SACS: variants seen among roughly 807,000 people sequenced by gnomAD.
The protein encoded by SACS is sacsin molecular chaperone.
SACS carries 197 observed loss-of-function variants against 348.0 expected under a neutral mutation model. The ratio of observed to expected loss-of-function variants is 0.57; its 90% CI spans 0.50 to 0.64. The LOEUF (loss-of-function observed/expected upper bound fraction) is 0.64, where lower values mean the gene tolerates loss of function less well. Among genes scored for constraint, SACS ranks in the 30% least tolerant of loss-of-function variants. The pLI, the probability that SACS is intolerant of heterozygous loss-of-function variation, is 0.00. For missense variants in SACS, 4,999 were observed against 5,360.8 expected (o/e 0.93, Z 2.11); for synonymous variants, 1,985 against 1,910.6 (o/e 1.04, Z -1.02).
At position 23,334,375 on chromosome 13, in the gene SACS, A is replaced by G; in HGVS notation, c.9501T>C (p.Asp3167=). 1 of 1,612,990 alleles carries G rather than the reference A, an allele frequency of 6.2e-7. No individual in the cohort carries two copies. Among genetic ancestry groups the G allele is most frequent in the Non-Finnish European group, 8.5e-7 (1 of 1,179,514 alleles). The stretch of plus-strand genomic sequence containing the variant: ...TTGTTAGAAACTTGGGTCGTTTTGC[A>G]TCAAAAGTTTGCAAAACACTGTCCA... The part of the protein sequence containing the change: ...ITLDSVLQTF[D]AKRPKFLTTY... The change falls in exon 10 of 10, where the codon GAT becomes GAC. Residue 3167 remains aspartate (D), a synonymous_variant. Coordinates refer to ENST00000382292, the MANE Select transcript of SACS (RefSeq NM_014363.6).
intron 6 of SACS, among the ~76,000 whole-genome samples, chr13:23,362,300 T>C (rs894577749): frequency 2.6e-5 from 4 of 152,164 alleles, no homozygotes; most frequent in Admixed American, 2.6e-4. Flanking sequence ...AAGTGTGTTA[T>C]ACTGGGTGAG....
chr13:23,354,696 G>C lies in SACS; in HGVS notation c.1916C>G (p.Ala639Gly). ...AWVRQVLRKC[A>G]HLGCAEEKLH... The stretch of plus-strand genomic sequence containing the variant: ...CTTTTCTTCAGCACAGCCCAGGTGT[G>C]CACACTTCCGCAGCACCTGCCGCAC... Residue 639 changes from alanine to glycine, a missense_variant, in exon 8 of 10, where the codon GCA (alanine) becomes GGA (glycine). By Grantham distance (60) the Ala-to-Gly change is moderately conservative. Transcript: ENST00000382292. 6 of 1,613,992 alleles carry C rather than the reference G, an allele frequency of 3.7e-6. No homozygotes were observed. Among genetic ancestry groups the C allele is most frequent in the Non-Finnish European group, 5.1e-6 (6 of 1,179,950 alleles).
chr13:23,350,310 G>A (rs916027023), intron 9 of SACS, among the ~76,000 whole-genome samples: 4 of 152,164 alleles, frequency 2.6e-5, no homozygotes, highest in African/African-American at 7.2e-5. Flanking sequence ...AACTCTTTCC[G>A]GAAGCTGGAC....
chr13:23,411,127 C>A (rs772232076), intron 2 of SACS, 93 bp downstream of exon 2: 65 of 1,061,178 alleles, frequency 6.1e-5, no homozygotes, highest in Non-Finnish European at 9.2e-5. Context: ...CGAGTGCTTT[C>A]ATTTGTTTTT....
At chr13:23,389,956 G>A (rs7339176) in intron 2 of SACS, among the ~76,000 whole-genome samples, 76,106 of 151,966 alleles carry the variant, frequency 0.5, 19,691 homozygotes, top group East Asian at 0.8. Flanking sequence ...CCACTTTTAT[G>A]CAGCTTTTCT....
chr13:23,426,814 A>T (rs1210256538), intron 1 of SACS, among the ~76,000 whole-genome samples: 1 of 152,188 alleles, frequency 6.6e-6, no homozygotes, highest in African/African-American at 2.4e-5. Context: ...TCTATCTCAG[A>T]GAGCAGAGGA....
intron 9 of SACS, among the ~76,000 whole-genome samples, chr13:23,346,424 G>C (rs999475421): frequency 1.3e-5 from 2 of 152,164 alleles, no homozygotes; most frequent in Admixed American, 6.5e-5. Flanking sequence ...GATTACAGGC[G>C]TGAGCCACCG....
At position 23,340,410 on chromosome 13, in the gene SACS, A is replaced by G. The variant is rs1869092806; in HGVS notation, c.3466T>C (p.Trp1156Arg). ...GGCCTTTCCTTGCAGGCTGGAACCC[A>G]TTTTATTTTCTTCAATGTCATCTTT... ...EGKMTLKKIK[W>R]VPACKERPPN... is the part of the protein sequence containing the mutation. Residue 1156 changes from tryptophan (W) to arginine (R), a missense_variant, in exon 10 of 10, where the codon TGG becomes CGG. Trp to Arg is a moderately radical substitution (Grantham distance 101). Coordinates refer to ENST00000382292, the MANE Select transcript of SACS (RefSeq NM_014363.6). 1 of 1,614,036 alleles carries G rather than the reference A, an allele frequency of 6.2e-7. No homozygotes were observed. The highest frequency in any genetic ancestry group is 8.5e-7 in the Non-Finnish European group (1 of 1,180,004).
chr13:23,343,245 T>C (rs748746165), intron 9 of SACS, among the ~76,000 whole-genome samples: 4 of 152,202 alleles, frequency 2.6e-5, no homozygotes, highest in Non-Finnish European at 4.4e-5. Flanking sequence ...AGTATAACAT[T>C]TATAATATCA....
chr13:23,375,405 C>A, intron 2 of SACS, 136 bp from the exon 3 acceptor site: 1 of 1,229,274 alleles, frequency 8.1e-7, no homozygotes. Context: ...CTGACGCCGG[C>A]GCCCGATCAC....
chr13:23,412,559 G>A (rs1441632822), intron 1 of SACS, among the ~76,000 whole-genome samples: 3 of 150,732 alleles, frequency 2.0e-5, no homozygotes, highest in East Asian at 2.0e-4. Flanking sequence ...GATTACAGGC[G>A]CCTGCCCTCA....
intron 9 of SACS, among the ~76,000 whole-genome samples, chr13:23,345,751 T>C: frequency 6.6e-6 from 1 of 152,140 alleles, no homozygotes; most frequent in East Asian, 1.9e-4. Context: ...AATGACTTGG[T>C]TTCTAAACTA....
chr13:23,410,833 C>G (rs1873451010), intron 2 of SACS, among the ~76,000 whole-genome samples: 1 of 152,148 alleles, frequency 6.6e-6, no homozygotes, highest in African/African-American at 2.4e-5. Context: ...CCCTCTCCCT[C>G]TCTCCTCAGG....
In SACS at chr13:23,331,738, T is replaced by C. The variant is rs1883492004; in HGVS notation, c.12138A>G (p.Lys4046=). The stretch of plus-strand genomic sequence containing the variant: ...TTTGAAGCTTTTCAAAGCAGGATAC[T>C]TTCAATCCTTCTCTTAGGGCTTTGC... ...RLCKALREGL[K]VSCFEKLQTT... The change falls in exon 10 of 10, where the codon AAA becomes AAG. Residue 4046 remains lysine (K), a synonymous_variant. Coordinates refer to ENST00000382292, the MANE Select transcript of SACS (RefSeq NM_014363.6). The C allele has an allele frequency of 6.2e-7, 1 of 1,614,034 alleles. No individual in the cohort carries two copies. The highest frequency in any genetic ancestry group is 1.1e-5 in the South Asian group (1 of 91,078).
rs775295825 is a variant in SACS, at chr13:23,341,515, A to G, written c.2361T>C (p.Tyr787=). The G allele has an allele frequency of 1.3e-5, 21 of 1,614,074 alleles. No homozygotes were observed. The South Asian group carries it at 2.3e-4, about 18-fold the overall frequency. ...SWLKMVWKNL[Y]IHFSEDLTLF... is the part of the protein sequence containing the mutation. ...AAGTCAAATCCTCTGAAAAATGTATATAAAGATTTTTCCAAACCATCTTAA... is the reference window on the plus strand; with the variant it reads ...AAGTCAAATCCTCTGAAAAATGTATGTAAAGATTTTTCCAAACCATCTTAA... Residue 787 remains tyrosine, a synonymous_variant, in exon 10 of 10, where the codon TAT becomes TAC. Transcript: ENST00000382292.
chr13:23,365,974 A>G (rs774297283), intron 5 of SACS, among the ~76,000 whole-genome samples: 1 of 152,236 alleles, frequency 6.6e-6, no homozygotes, highest in South Asian at 2.1e-4. Context: ...AAAATTTCCA[A>G]TCCTAACAAC....
Position 23,339,558 on chromosome 13 carries a change from T to C in SACS, c.4318A>G (p.Ser1440Gly), listed in dbSNP as rs1172044277. Residue 1440 changes from serine (S) to glycine (G), a missense_variant, in exon 10 of 10, where the codon AGT becomes GGT. Coordinates refer to ENST00000382292, the MANE Select transcript of SACS (RefSeq NM_014363.6). Reference protein sequence around the residue: ...TAEWLKVPCLSTRLINPENMG... With the variant: ...TAEWLKVPCLGTRLINPENMG... ...TTTTCAGGATTTATCAGTCTTGTACTAAGGCATGGAACTTTTAGCCATTCT... is the reference window on the plus strand; with the variant it reads ...TTTTCAGGATTTATCAGTCTTGTACCAAGGCATGGAACTTTTAGCCATTCT... 1.3e-5 allele frequency: 21 copies of C among 1,613,024 alleles called. No homozygotes were observed. Among genetic ancestry groups the C allele is most frequent in the Non-Finnish European group, 1.8e-5 (21 of 1,179,166 alleles).
chr13:23,333,849 C>T lies in SACS; in HGVS notation c.10027G>A (p.Ala3343Thr). 1 of 1,613,850 alleles carries T rather than the reference C, an allele frequency of 6.2e-7. No homozygotes were observed. The highest frequency in any genetic ancestry group is 8.5e-7 in the Non-Finnish European group (1 of 1,179,836). ...ALNKICSKDS[A>T]FVPLLSCHTA... is the part of the protein sequence containing the mutation. Reference sequence around the variant, plus strand: ...TGACATGACAACAAAGGAACAAATGCACTGTCTTTGGAACAGATTTTGTTC... The same window carrying T: ...TGACATGACAACAAAGGAACAAATGTACTGTCTTTGGAACAGATTTTGTTC... The change falls in exon 10 of 10, where the codon GCA becomes ACA. Residue 3343 changes from alanine (A) to threonine (T), a missense_variant. Ala to Thr is a moderately conservative substitution (Grantham distance 58, BLOSUM62 0). Coordinates refer to ENST00000382292, the MANE Select transcript of SACS (RefSeq NM_014363.6).
chr13:23,331,272 T>C lies in SACS; in HGVS notation c.12604A>G (p.Thr4202Ala). 6.2e-7 allele frequency: 1 copy of C among 1,614,050 alleles called. No homozygotes were observed. The highest frequency in any genetic ancestry group is 8.5e-7 in the Non-Finnish European group (1 of 1,179,962). The change falls in exon 10 of 10, where the codon ACA (threonine) becomes GCA (alanine). Residue 4202 changes from threonine (T) to alanine (A), a missense_variant. Transcript: ENST00000382292. The part of the protein sequence containing the change: ...DIYGSYQPTY[T>A]YAIIVQEVER... ...ACTTCTTGTACAATAATTGCATATG[T>C]GTATGTTGGCTGGTATGATCCATAG...
Sources: allele counts gnomAD v4.1 joint callset (sites outside exome capture counted in the v4.1 genomes callset), GRCh38; gene constraint gnomAD v4.1.1; transcripts MANE v1.5; gene names NCBI Gene and HGNC (gene_info 2026-07-23, HGNC 2026-07-21).